LSAMP: variants seen among roughly 807,000 people sequenced by gnomAD.
The protein encoded by LSAMP is limbic system associated membrane protein.
A neutral mutation model predicts 38.6 loss-of-function variants in LSAMP; 7 were observed. The observed-to-expected ratio is 0.18, with a 90% CI of 0.10 to 0.34. The LOEUF is 0.34. LSAMP is among the 10% of genes least tolerant of loss of function. LSAMP has a pLI of 1.00. For synonymous variants in LSAMP, 154 were observed against 166.8 expected, an observed-to-expected ratio of 0.92 and a Z score of 0.59; for missense variants, 313 against 420.0, an observed-to-expected ratio of 0.75 and a Z score of 2.23.
intron 3 of LSAMP, among the ~76,000 whole-genome samples, chr3:115,968,095 G>C (rs1392364307): frequency 6.6e-6 from 1 of 152,066 alleles, no homozygotes; most frequent in African/African-American, 2.4e-5. Context: ...CAGGGAATCT[G>C]GCCCCCTTCC....
intron 2 of LSAMP, among the ~76,000 whole-genome samples, chr3:116,063,900 AT>A (rs1201112635): frequency 6.6e-6 from 1 of 152,072 alleles, no homozygotes; most frequent in Non-Finnish European, 1.5e-5. Context: ...CCAACATCTA[AT>A]TTTTTCTCTT....
chr3:116,085,257 C>T (rs1458134338), intron 2 of LSAMP, among the ~76,000 whole-genome samples: 7 of 152,126 alleles, frequency 4.6e-5, no homozygotes, highest in African/African-American at 1.7e-4. Flanking sequence ...AGAGGCCACA[C>T]GACTAAAGCA....
At chr3:116,353,125 T>TA (rs2048163941) in intron 1 of LSAMP, among the ~76,000 whole-genome samples, 1 of 152,046 alleles carries the variant, frequency 6.6e-6, no homozygotes, top group Non-Finnish European at 1.5e-5. Context: ...ATCAGGGTGG[T>TA]ATGCTTAAAC....
intron 1 of LSAMP, among the ~76,000 whole-genome samples, chr3:116,270,182 T>C (rs933777460): frequency 6.6e-6 from 1 of 152,138 alleles, no homozygotes; most frequent in African/African-American, 2.4e-5. Context: ...CATGTCCTAA[T>C]AAGTATGTCA....
At chr3:116,315,866 G>GTACT (rs1201659977) in intron 1 of LSAMP, among the ~76,000 whole-genome samples, 1 of 152,136 alleles carries the variant, frequency 6.6e-6, no homozygotes, top group Non-Finnish European at 1.5e-5. Context: ...TGTCCTGGAT[G>GTACT]TACTGTCTTT....
intron 3 of LSAMP, among the ~76,000 whole-genome samples, chr3:115,934,717 TAGA>T (rs1937641854): frequency 6.6e-6 from 1 of 152,222 alleles, no homozygotes; most frequent in East Asian, 1.9e-4. Context: ...ACTCCATATG[TAGA>T]AGAATGATTC....
intron 2 of LSAMP, among the ~76,000 whole-genome samples, chr3:116,055,094 TG>T (rs1941464603): frequency 2.0e-5 from 3 of 152,298 alleles, no homozygotes; most frequent in Non-Finnish European, 4.4e-5. Context: ...TGATTTGCTG[TG>T]CAAATACACA....
In LSAMP at chr3:115,889,600, G is replaced by A. The variant is rs556923627; in HGVS notation, c.515-36983C>T. ...CCCCCAGTTATGTATAACATAAATG[G>A]AGAAGATGGCATTGGAGTATCAGCG... On this transcript the variant is annotated intron_variant, in intron 3 of 6. Coordinates refer to ENST00000490035, the MANE Select transcript of LSAMP (RefSeq NM_002338.5). Among the ~76,000 whole-genome samples the A allele has an allele frequency of 2.6e-5, 4 of 152,068 alleles. No individual in the cohort carries two copies. The South Asian group carries it at 8.3e-4, about 32-fold the overall frequency.
At chr3:116,041,253 A>C (rs900142510) in intron 2 of LSAMP, among the ~76,000 whole-genome samples, 1 of 152,128 alleles carries the variant, frequency 6.6e-6, no homozygotes, top group Admixed American at 6.6e-5. Flanking sequence ...ATATTAGCCA[A>C]CAAAATGGTG....
At chr3:116,246,997 ATCT>A (rs1475203777) in intron 1 of LSAMP, among the ~76,000 whole-genome samples, 2 of 152,152 alleles carry the variant, frequency 1.3e-5, no homozygotes, top group African/African-American at 2.4e-5. Flanking sequence ...GACTGTGGTC[ATCT>A]TCTTACTGAT....
intron 1 of LSAMP, among the ~76,000 whole-genome samples, chr3:116,282,978 C>A (rs7639283): frequency 0.021 from 3,153 of 152,136 alleles, 103 homozygotes; most frequent in African/African-American, 0.071. Flanking sequence ...CCACCCATGA[C>A]CCTATCAAGA....
intron 4 of LSAMP, among the ~76,000 whole-genome samples, chr3:115,849,088 T>C (rs1935250124): frequency 6.6e-6 from 1 of 152,186 alleles, no homozygotes; most frequent in Admixed American, 6.5e-5. Flanking sequence ...GACTGGTATC[T>C]GAAAGAAATT....
chr3:116,444,762 C>G, intron 1 of LSAMP, 115 bp downstream of exon 1: 1 of 1,321,334 alleles, frequency 7.6e-7, no homozygotes, highest in Non-Finnish European at 1.1e-6. Flanking sequence ...CCTGCAGCAT[C>G]AGGAGCTGGA....
At chr3:116,150,778 G>A (rs1709592210) in intron 1 of LSAMP, among the ~76,000 whole-genome samples, 1 of 151,940 alleles carries the variant, frequency 6.6e-6, no homozygotes, top group Non-Finnish European at 1.5e-5. Flanking sequence ...TTAGAAGCAA[G>A]TTTTAAAACA....
In LSAMP at chr3:116,356,894, C is replaced by T. The variant is rs189186336; in HGVS notation, c.155+87983G>A. Among the ~76,000 whole-genome samples, 13 of 152,106 alleles carry T rather than the reference C, an allele frequency of 8.5e-5. 1 individual carries two copies. In the East Asian group the frequency reaches 1.6e-3, roughly 18 times the overall value. On this transcript the variant is annotated intron_variant, in intron 1 of 6. Transcript: ENST00000490035. ...CTGCAAGCTCCGCCTCCTGGGTTCA[C>T]GCCATTCTCCTGCCTCAGCCTCCCG...
chr3:116,048,328 G>C (rs1941331389), intron 2 of LSAMP, among the ~76,000 whole-genome samples: 1 of 152,154 alleles, frequency 6.6e-6, no homozygotes, highest in South Asian at 2.1e-4. Flanking sequence ...AAAATGTCCT[G>C]TAATATCCAG....
intron 1 of LSAMP, among the ~76,000 whole-genome samples, chr3:116,325,077 T>C (rs892857416): frequency 2.0e-5 from 3 of 150,618 alleles, no homozygotes; most frequent in Non-Finnish European, 4.4e-5. Flanking sequence ...TGTTTCCACA[T>C]AATATTAAAT....
chr3:116,247,417 A>G (rs957898845), intron 1 of LSAMP, among the ~76,000 whole-genome samples: 62 of 152,346 alleles, frequency 4.1e-4, no homozygotes, highest in African/African-American at 1.3e-3. Flanking sequence ...GATCAATATT[A>G]TCCTCTAAAC....
chr3:116,160,029 G>A (rs903898586), intron 1 of LSAMP, among the ~76,000 whole-genome samples: 2 of 152,116 alleles, frequency 1.3e-5, no homozygotes, highest in South Asian at 2.1e-4. Flanking sequence ...TAAACAATGA[G>A]TACACATGGA....
Sources: gnomAD v4.1 joint callset for allele counts (sites outside exome capture counted in the v4.1 genomes callset) on GRCh38, gnomAD v4.1.1 for gene constraint, MANE v1.5 for transcripts, NCBI Gene and HGNC (gene_info 2026-07-23, HGNC 2026-07-21) for gene names.